Variants in TTC23 observed in about 807,000 individuals in gnomAD.
The protein encoded by TTC23 is tetratricopeptide repeat domain 23.
In TTC23, 58 loss-of-function variants were observed where a neutral mutation model predicts 55.1. The observed-to-expected ratio is 1.05, with a 90% confidence interval of 0.85 to 1.31. TTC23 has a LOEUF of 1.31. TTC23 is among the 50% of genes most tolerant of loss of function. The probability of loss-of-function intolerance (pLI) is 0.00; values close to 1 mark genes in which losing one functional copy is unlikely to be tolerated. For synonymous variants in TTC23, 203 were observed against 199.9 expected (o/e 1.02, Z -0.13); for missense variants, 516 against 534.4 (o/e 0.97, Z 0.34).
chr15:99,237,376 A>G (rs2079408640), intron 3 of TTC23, among the ~76,000 whole-genome samples: 1 of 152,202 alleles, frequency 6.6e-6, no homozygotes, highest in Non-Finnish European at 1.5e-5. Context: ...AATAGCTAAA[A>G]AACTAGAAAA....
chr15:99,197,745 A>G (rs2075865495), intron 9 of TTC23, among the ~76,000 whole-genome samples: 1 of 151,858 alleles, frequency 6.6e-6, no homozygotes, highest in South Asian at 2.1e-4. Flanking sequence ...ATCTCTACTA[A>G]AAATACAAAA....
At chr15:99,213,837 A>T (rs1019107154) in intron 8 of TTC23, among the ~76,000 whole-genome samples, 6 of 152,226 alleles carry the variant, frequency 3.9e-5, no homozygotes, top group Admixed American at 3.9e-4. Flanking sequence ...ATTACAAATA[A>T]TGTAGCTTTG....
chr15:99,188,441 C>T (rs965442388), intron 9 of TTC23, among the ~76,000 whole-genome samples: 2 of 152,004 alleles, frequency 1.3e-5, no homozygotes, highest in African/African-American at 4.8e-5. Context: ...AATTAAACCA[C>T]TACATTGTAC....
intron 8 of TTC23, among the ~76,000 whole-genome samples, chr15:99,204,016 T>C (rs951693693): frequency 6.6e-6 from 1 of 152,168 alleles, no homozygotes; most frequent in Non-Finnish European, 1.5e-5. Flanking sequence ...TACTGAGTAA[T>C]GAGATGGCTG....
At chr15:99,148,060 T>C (rs2069167332) in intron 12 of TTC23, among the ~76,000 whole-genome samples, 1 of 152,070 alleles carries the variant, frequency 6.6e-6, no homozygotes, top group Non-Finnish European at 1.5e-5. Context: ...TCTTGACTTA[T>C]GACCACATAA....
At chr15:99,215,395 A>C (rs188051687) in intron 8 of TTC23, among the ~76,000 whole-genome samples, 2 of 152,276 alleles carry the variant, frequency 1.3e-5, no homozygotes, top group Admixed American at 1.3e-4. Flanking sequence ...TTACAATTAG[A>C]TTCTAATAAA....
chr15:99,209,123 A>G (rs1457443532), intron 8 of TTC23, among the ~76,000 whole-genome samples: 1 of 152,218 alleles, frequency 6.6e-6, no homozygotes, highest in Non-Finnish European at 1.5e-5. Context: ...ACACTATCTC[A>G]TTGCAGACAA....
intron 1 of TTC23, among the ~76,000 whole-genome samples, chr15:99,248,870 G>A (rs1220572126): frequency 1.3e-5 from 2 of 152,060 alleles, no homozygotes; most frequent in African/African-American, 4.8e-5. Flanking sequence ...CTTACATGCT[G>A]ATTCTGCTTC....
At chr15:99,201,791 G>A (rs1040423370) in intron 8 of TTC23, among the ~76,000 whole-genome samples, 4 of 152,174 alleles carry the variant, frequency 2.6e-5, no homozygotes, top group Non-Finnish European at 5.9e-5. Context: ...TGATGCTGAA[G>A]GAGCTTAGAA....
chr15:99,233,918 A>G (rs894832685), intron 4 of TTC23, among the ~76,000 whole-genome samples: 2 of 152,232 alleles, frequency 1.3e-5, no homozygotes, highest in East Asian at 1.9e-4. Context: ...TGCAAAACCA[A>G]TTCCTTGGAG....
chr15:99,182,021 G>A (rs566968237), intron 9 of TTC23, among the ~76,000 whole-genome samples: 2 of 152,142 alleles, frequency 1.3e-5, no homozygotes, highest in South Asian at 4.1e-4. Flanking sequence ...TCGTTTGGTT[G>A]CAAGTATGTG....
intron 3 of TTC23, among the ~76,000 whole-genome samples, chr15:99,236,051 G>T (rs1162410674): frequency 6.6e-6 from 1 of 152,102 alleles, no homozygotes; most frequent in Non-Finnish European, 1.5e-5. Flanking sequence ...AGGAACACTT[G>T]GGTTGCTTCC....
chr15:99,210,888 A>G (rs2076986046), intron 8 of TTC23, among the ~76,000 whole-genome samples: 1 of 152,178 alleles, frequency 6.6e-6, no homozygotes, highest in Non-Finnish European at 1.5e-5. Context: ...GCAGGTAGAT[A>G]CATATTCTGT....
intron 12 of TTC23, among the ~76,000 whole-genome samples, chr15:99,154,315 AC>A (rs1555498254): frequency 2.0e-5 from 3 of 152,214 alleles, no homozygotes; most frequent in Non-Finnish European, 4.4e-5. Context: ...TACAGAATCA[AC>A]ATCTGCTATG....
At chr15:99,202,005 T>C (rs2034645) in intron 8 of TTC23, among the ~76,000 whole-genome samples, 48,431 of 152,004 alleles carry the variant, frequency 0.32, 7,951 homozygotes, top group East Asian at 0.45. Flanking sequence ...AAATCTGCTG[T>C]TTTTGTAAAT....
At chr15:99,175,970 G>C (rs1429277380) in intron 9 of TTC23, among the ~76,000 whole-genome samples, 1 of 152,164 alleles carries the variant, frequency 6.6e-6, no homozygotes, top group African/African-American at 2.4e-5. Flanking sequence ...ACTCTAGCCT[G>C]GGTGACAGAG....
chr15:99,199,660 T>C (rs1322546474), intron 9 of TTC23, among the ~76,000 whole-genome samples: 3 of 152,158 alleles, frequency 2.0e-5, no homozygotes, highest in African/African-American at 7.2e-5. Flanking sequence ...TAAATAGATA[T>C]TAAAGGATAA....
chr15:99,247,643 G>A lies in TTC23; in HGVS notation c.-431+1528C>T, dbSNP rs182395753. ...ATGTGTAATTCCACTTACATGCCCA[G>A]AAAAGGTAAATTTATAGACAGAAAG... is the stretch of plus-strand genomic sequence containing the variant. On this transcript the variant is annotated intron_variant, in intron 1 of 13. Transcript: ENST00000394132. Among the ~76,000 whole-genome samples the A allele has an allele frequency of 4.6e-5, 7 of 152,274 alleles. No homozygotes were observed. The East Asian group carries it at 1.2e-3, about 25-fold the overall frequency.
intron 8 of TTC23, among the ~76,000 whole-genome samples, chr15:99,203,374 G>T (rs770770295): frequency 6.6e-6 from 1 of 151,864 alleles, no homozygotes; most frequent in Non-Finnish European, 1.5e-5. Context: ...TATGTATGGG[G>T]TGCATGTAAA....
Sources: gnomAD v4.1 joint callset for allele counts (sites outside exome capture counted in the v4.1 genomes callset) on GRCh38, gnomAD v4.1.1 for gene constraint, MANE v1.5 for transcripts, NCBI Gene and HGNC (gene_info 2026-07-23, HGNC 2026-07-21) for gene names.